Variants in ELOVL5 observed in about 807,000 individuals in gnomAD.
ELOVL5 encodes the protein very long chain fatty acid elongase 5.
A neutral mutation model predicts 38.6 loss-of-function variants in ELOVL5; 8 were observed. The ratio of observed to expected loss-of-function variants is 0.21; its 90% CI spans 0.12 to 0.37. The LOEUF (loss-of-function observed/expected upper bound fraction) is 0.37, where lower values mean the gene tolerates loss of function less well. ELOVL5 is among the 10% of genes least tolerant of loss of function. The pLI, the probability that ELOVL5 is intolerant of heterozygous loss-of-function variation, is 1.00. For missense variants in ELOVL5, 280 were observed against 367.8 expected, an observed-to-expected ratio of 0.76 and a Z score of 1.95; for synonymous variants, 127 against 133.7, an observed-to-expected ratio of 0.95 and a Z score of 0.34.
intron 1 of ELOVL5, among the ~76,000 whole-genome samples, chr6:53,341,340 C>G (rs756210415): frequency 2.0e-4 from 30 of 152,146 alleles, no homozygotes; most frequent in African/African-American, 5.3e-4. Context: ...GAAACTCAAC[C>G]TTGTTTCCTC....
At chr6:53,270,259 C>T (rs573000608) in intron 7 of ELOVL5, among the ~76,000 whole-genome samples, 4 of 152,334 alleles carry the variant, frequency 2.6e-5, no homozygotes, top group South Asian at 4.1e-4. Flanking sequence ...TTGGCCATGA[C>T]GTTCAGGGTA....
In ELOVL5 at chr6:53,295,715, G is replaced by GA. The variant is rs376540465; in HGVS notation, c.-8-9dup. ...AATGTTCCATTTGAAAACCTATTAA[G>GA]AAAAAAAAAGATACTGATTAATCTC... On this transcript the variant is annotated splice_polypyrimidine_tract_variant and intron_variant, in intron 1 of 7. Transcript: ENST00000304434. 7.2e-4 allele frequency: 1,068 copies of GA among 1,489,018 alleles called. 1 individual carries two copies. The highest frequency in any genetic ancestry group is 1.4e-3 in the Middle Eastern group (8 of 5,742). The allele number at this position is 1,489,018 out of a possible 1,614,324, so 92.2% of individuals were successfully genotyped here. A position where few individuals can be genotyped will look rare whatever the true frequency, so the allele number is the denominator to read the frequency against.
chr6:53,345,190 G>C (rs1769485978), intron 1 of ELOVL5, among the ~76,000 whole-genome samples: 1 of 152,184 alleles, frequency 6.6e-6, no homozygotes, highest in African/African-American at 2.4e-5. Flanking sequence ...CCCCATGTGA[G>C]ATTATGGTGG....
intron 1 of ELOVL5, among the ~76,000 whole-genome samples, chr6:53,317,260 A>G (rs1204566217): frequency 6.6e-6 from 1 of 152,210 alleles, no homozygotes; most frequent in Non-Finnish European, 1.5e-5. Flanking sequence ...CTCTCATCCC[A>G]TTAACGTCTC....
intron 5 of ELOVL5, among the ~76,000 whole-genome samples, chr6:53,274,540 A>T (rs1040382381): frequency 6.6e-6 from 1 of 152,220 alleles, no homozygotes; most frequent in African/African-American, 2.4e-5. Flanking sequence ...TGAAAATTAT[A>T]AGAAACTTTG....
At chr6:53,274,802 C>A (rs1270779247) in intron 5 of ELOVL5, among the ~76,000 whole-genome samples, 1 of 152,146 alleles carries the variant, frequency 6.6e-6, no homozygotes, top group East Asian at 1.9e-4. Flanking sequence ...ACAGAAGGAC[C>A]AGAAAGAACC....
rs543318679 is a variant in ELOVL5 at position 53,304,638 on chromosome 6, A to G, written c.-8-8931T>C. ...GGAGTGGTGATGACTCTCAACGAGC[A>G]TGCTGCCTTCAAGCATCTGTTTAAC... On this transcript the variant is annotated intron_variant, in intron 1 of 7. Coordinates refer to ENST00000304434, the MANE Select transcript of ELOVL5 (RefSeq NM_021814.5). Among the ~76,000 whole-genome samples the G allele has an allele frequency of 2.7e-3, 418 of 152,274 alleles. 4 individuals carry two copies. The highest frequency in any genetic ancestry group is 9.6e-3 in the African/African-American group (400 of 41,548).
rs116498029 is a variant in ELOVL5, at chr6:53,331,811, C to T, written c.-9+17006G>A. ...AACTGTATTAGTCCGTTTGGTGTTG[C>T]TATAAAGGAATATCTGAGACAGGGT... On this transcript the variant is annotated intron_variant, in intron 1 of 7. Transcript: ENST00000304434. Among the ~76,000 whole-genome samples the T allele has an allele frequency of 3.1e-3, 477 of 152,254 alleles. 2 individuals carry two copies. The highest frequency in any genetic ancestry group is 0.011 in the African/African-American group (452 of 41,544).
chr6:53,323,585 T>TTG (rs1554138986), intron 1 of ELOVL5, among the ~76,000 whole-genome samples: 4 of 140,774 alleles, frequency 2.8e-5, no homozygotes, highest in African/African-American at 1.1e-4. Flanking sequence ...GCTTTTTTTT[T>TTG]TTTTTTTTTT....
intron 1 of ELOVL5, among the ~76,000 whole-genome samples, chr6:53,326,801 C>T (rs191075020): frequency 6.6e-6 from 1 of 152,146 alleles, no homozygotes; most frequent in Non-Finnish European, 1.5e-5. Context: ...TCAGCCATAC[C>T]GGCCTTCACG....
intron 1 of ELOVL5, among the ~76,000 whole-genome samples, chr6:53,331,538 A>AC (rs1332652520): frequency 1.3e-5 from 2 of 152,190 alleles, no homozygotes; most frequent in Non-Finnish European, 2.9e-5. Flanking sequence ...GATGACCCCT[A>AC]CTTCACCAGG....
chr6:53,295,569 A>G, intron 2 of ELOVL5, 73 bp downstream of exon 2: 1 of 945,100 alleles, frequency 1.1e-6, no homozygotes, highest in Non-Finnish European at 1.6e-6. Context: ...CTATCTCCTC[A>G]TGCAATATTT....
In ELOVL5 at chr6:53,318,212, T is replaced by C. The variant is rs559821588; in HGVS notation, c.-8-22505A>G. Among the ~76,000 whole-genome samples, 2 of 152,250 alleles carry C rather than the reference T, an allele frequency of 1.3e-5. 1 individual carries two copies. The highest frequency in any genetic ancestry group is 4.1e-4 in the South Asian group (2 of 4,824). On this transcript the variant is annotated intron_variant, in intron 1 of 7. Transcript: ENST00000304434. ...TGTTTCCTATAGAAAATATGGAAAG[T>C]AGAGAAAAAATATCTGTCTCATTTT...
Position 53,280,553 on chromosome 6 carries a change from G to C in ELOVL5, c.247-4297C>G, listed in dbSNP as rs190389652. 5.0e-4 allele frequency among the ~76,000 whole-genome samples: 76 copies of C among 152,300 alleles called. 1 individual carries two copies. The highest frequency in any genetic ancestry group is 1.7e-3 in the African/African-American group (70 of 41,564). Reference sequence around the variant, plus strand: ...CTTTTCAATGAAAGAAAAAAATGTAGGTGAGTTTCACACCTGGTTCTGGAT... The same window carrying C: ...CTTTTCAATGAAAGAAAAAAATGTACGTGAGTTTCACACCTGGTTCTGGAT... On this transcript the variant is annotated intron_variant, in intron 3 of 7. Coordinates refer to ENST00000304434, the MANE Select transcript of ELOVL5 (RefSeq NM_021814.5).
At chr6:53,282,333 C>A (rs1033278160) in intron 3 of ELOVL5, among the ~76,000 whole-genome samples, 2 of 152,236 alleles carry the variant, frequency 1.3e-5, no homozygotes. Flanking sequence ...GTGCTCCTAG[C>A]TACACCAGCT....
chr6:53,301,220 C>T (rs1346807038), intron 1 of ELOVL5, among the ~76,000 whole-genome samples: 1 of 152,108 alleles, frequency 6.6e-6, no homozygotes, highest in African/African-American at 2.4e-5. Context: ...CTCACTGGTG[C>T]GGTTTCCTAT....
At chr6:53,330,003 TAAAG>T (rs960318333) in intron 1 of ELOVL5, among the ~76,000 whole-genome samples, 2 of 152,148 alleles carry the variant, frequency 1.3e-5, no homozygotes, top group African/African-American at 4.8e-5. Context: ...ACTTTAAAAA[TAAAG>T]AACTTCTACA....
chr6:53,307,391 G>A (rs1767623594), intron 1 of ELOVL5, among the ~76,000 whole-genome samples: 2 of 152,136 alleles, frequency 1.3e-5, no homozygotes, highest in African/African-American at 4.8e-5. Context: ...TAAAATGAGG[G>A]TAATTACATT....
intron 1 of ELOVL5, among the ~76,000 whole-genome samples, chr6:53,345,733 T>C (rs893362385): frequency 4.5e-5 from 4 of 89,602 alleles, no homozygotes; most frequent in African/African-American, 1.1e-4. Context: ...GGTTAGATTT[T>C]TAAGTTGTGG....
Sources: gnomAD v4.1 joint callset for allele counts (sites outside exome capture counted in the v4.1 genomes callset) on GRCh38, gnomAD v4.1.1 for gene constraint, MANE v1.5 for transcripts, NCBI Gene and HGNC (gene_info 2026-07-23, HGNC 2026-07-21) for gene names.